EPS15: variants seen among roughly 807,000 people sequenced by gnomAD.
EPS15 encodes the protein epidermal growth factor receptor pathway substrate 15.
Under a neutral mutation model 113.8 loss-of-function variants are expected in EPS15, and 72 were observed. That is an observed-to-expected ratio of 0.63 (90% CI 0.52 to 0.77). The LOEUF (loss-of-function observed/expected upper bound fraction) is 0.77. EPS15 is among the 30% of genes least tolerant of loss of function. EPS15 has a pLI of 0.00. For synonymous variants in EPS15, 344 were observed against 363.4 expected (o/e 0.95, Z 0.61); for missense variants, 1,048 against 1,045.8 (o/e 1.00, Z -0.03).
chr1:51,489,713 T>A (rs1242219324), intron 1 of EPS15, among the ~76,000 whole-genome samples: 1 of 152,150 alleles, frequency 6.6e-6, no homozygotes, highest in East Asian at 1.9e-4. Flanking sequence ...CCGTGGGTGT[T>A]CCAAGGGTGG....
At position 51,485,737 on chromosome 1, in the gene EPS15, G is replaced by C. The variant is rs370866939; in HGVS notation, c.34-4423C>G. ...AACAAATTAAATGAGAGTTCAAATA[G>C]TACACGAGATTTCATTTTGAAATTT... is the stretch of plus-strand genomic sequence containing the variant. On this transcript the variant is annotated intron_variant, in intron 1 of 24. Coordinates refer to ENST00000371733, the MANE Select transcript of EPS15 (RefSeq NM_001981.3). Among the ~76,000 whole-genome samples, 42 of 152,274 alleles carry C rather than the reference G, an allele frequency of 2.8e-4. 1 individual carries two copies. In the South Asian group the frequency reaches 6.8e-3, roughly 25 times the overall value.
chr1:51,516,378 G>A (rs1481855018), intron 1 of EPS15, among the ~76,000 whole-genome samples: 1 of 152,136 alleles, frequency 6.6e-6, no homozygotes, highest in Non-Finnish European at 1.5e-5. Flanking sequence ...AGCACATACT[G>A]AATGCTCAGC....
intron 21 of EPS15, among the ~76,000 whole-genome samples, chr1:51,380,668 C>A (rs1296640749): frequency 6.6e-6 from 1 of 151,906 alleles, no homozygotes; most frequent in Non-Finnish European, 1.5e-5. Flanking sequence ...AAACAAACAG[C>A]AAAATGACAA....
chr1:51,420,676 G>C (rs1316878131), intron 13 of EPS15, among the ~76,000 whole-genome samples: 1 of 152,058 alleles, frequency 6.6e-6, no homozygotes, highest in Non-Finnish European at 1.5e-5. Context: ...TATTGATGAT[G>C]ATCTCTTAAC....
chr1:51,446,253 G>A (rs778566319), intron 10 of EPS15, among the ~76,000 whole-genome samples: 4 of 152,064 alleles, frequency 2.6e-5, no homozygotes, highest in African/African-American at 7.2e-5. Flanking sequence ...CCTTTTCAAG[G>A]ACCAAGTATG....
At chr1:51,397,427 G>C (rs1260195045) in intron 20 of EPS15, among the ~76,000 whole-genome samples, 2 of 152,176 alleles carry the variant, frequency 1.3e-5, no homozygotes, top group Non-Finnish European at 2.9e-5. Flanking sequence ...ATGGGGGACA[G>C]GACAAGAGGA....
chr1:51,488,493 A>AAAAC (rs1160969617), intron 1 of EPS15, among the ~76,000 whole-genome samples: 1 of 150,390 alleles, frequency 6.6e-6, no homozygotes, highest in African/African-American at 2.4e-5. Context: ...AAAAAAAAAA[A>AAAAC]AAACTCAGAC....
intron 13 of EPS15, among the ~76,000 whole-genome samples, chr1:51,419,138 C>A (rs550414341): frequency 3.5e-4 from 54 of 152,250 alleles, no homozygotes; most frequent in African/African-American, 1.2e-3. Context: ...GATAAAATGG[C>A]TTTTCACAAC....
In EPS15 at chr1:51,406,048, A is replaced by T; in HGVS notation, c.1534T>A (p.Cys512Ser). Residue 512 changes from cysteine (C) to serine (S), a missense_variant, in exon 16 of 25, where the codon TGC (cysteine) becomes AGC (serine). By Grantham distance (112) the Cys-to-Ser change is moderately radical. Coordinates refer to ENST00000371733, the MANE Select transcript of EPS15 (RefSeq NM_001981.3). Reference protein sequence around the residue: ...LENHNSQLNWCSSPHSILVNG... With the variant: ...LENHNSQLNWSSSPHSILVNG... ...ACAAGAATGCTGTGTGGGCTACTGCACCAATTTAACTGACTATTATGATTT... is the reference window on the plus strand; with the variant it reads ...ACAAGAATGCTGTGTGGGCTACTGCTCCAATTTAACTGACTATTATGATTT... 2 of 1,614,170 alleles carry T rather than the reference A, an allele frequency of 1.2e-6. No homozygotes were observed. Among genetic ancestry groups the T allele is most frequent in the Non-Finnish European group, 1.7e-6 (2 of 1,180,020 alleles).
chr1:51,505,294 G>T (rs1644479727), intron 1 of EPS15, among the ~76,000 whole-genome samples: 1 of 151,994 alleles, frequency 6.6e-6, no homozygotes. Context: ...ATCCACCAAT[G>T]AACAAATGGA....
At chr1:51,494,851 C>A (rs2148542565) in intron 1 of EPS15, among the ~76,000 whole-genome samples, 1 of 152,204 alleles carries the variant, frequency 6.6e-6, no homozygotes, top group East Asian at 1.9e-4. Flanking sequence ...CTTCATATAA[C>A]CTTAGCTAAT....
chr1:51,434,370 G>C (rs1651968671), intron 12 of EPS15, among the ~76,000 whole-genome samples: 1 of 152,156 alleles, frequency 6.6e-6, no homozygotes, highest in African/African-American at 2.4e-5. Context: ...GCCTGAAAAA[G>C]GAAGGAAATT....
At position 51,361,295 on chromosome 1, in the gene EPS15, T is replaced by C. The variant is rs1162546178; in HGVS notation, c.2420A>G (p.Gln807Arg). 1.2e-6 allele frequency: 2 copies of C among 1,613,952 alleles called. No homozygotes were observed. Among genetic ancestry groups the C allele is most frequent in the Non-Finnish European group, 1.7e-6 (2 of 1,179,838 alleles). Reference protein sequence around the residue: ...PDPFKLNDPFQPFPGNDSPKE... With the variant: ...PDPFKLNDPFRPFPGNDSPKE... The stretch of plus-strand genomic sequence containing the variant: ...GGGGCTATCGTTGCCTGGGAAAGGC[T>C]GAAATGGATCATTCAGTTTAAAGGG... The change falls in exon 24 of 25, where the codon CAG (glutamine) becomes CGG (arginine). Residue 807 changes from glutamine to arginine, a missense_variant. By Grantham distance (43) the Gln-to-Arg change is conservative. Transcript: ENST00000371733.
In EPS15 at chr1:51,465,292, G is replaced by T. The variant is rs1480583825; in HGVS notation, c.344C>A (p.Thr115Asn). The T allele has an allele frequency of 1.2e-6, 2 of 1,611,000 alleles. No homozygotes were observed. The highest frequency in any genetic ancestry group is 1.7e-5 in the Admixed American group (1 of 59,764). The change falls in exon 6 of 25, where the codon ACC becomes AAC. Residue 115 changes from threonine to asparagine, a missense_variant. Coordinates refer to ENST00000371733, the MANE Select transcript of EPS15 (RefSeq NM_001981.3). ...DTSSPLLISG[T>N]SAAELPWAVK... ...AGCCCATGGGAGCTCAGCTGCAGAG[G>T]TTCCACTGATTAGCAAAGGACTACT...
chr1:51,394,684 C>A (rs1350075854), intron 20 of EPS15, among the ~76,000 whole-genome samples: 3 of 152,098 alleles, frequency 2.0e-5, no homozygotes, highest in African/African-American at 7.2e-5. Context: ...TGAAACAGAT[C>A]TATGGTTTAA....
At chr1:51,398,790 C>T (rs944467981) in intron 20 of EPS15, among the ~76,000 whole-genome samples, 10 of 152,134 alleles carry the variant, frequency 6.6e-5, no homozygotes, top group African/African-American at 2.4e-4. Context: ...GATTTAGTCT[C>T]TTGAAAGATG....
At chr1:51,386,863 A>G (rs1170252363) in intron 21 of EPS15, among the ~76,000 whole-genome samples, 1 of 152,214 alleles carries the variant, frequency 6.6e-6, no homozygotes, top group African/African-American at 2.4e-5. Context: ...TGAAAGTGAC[A>G]GGGAGAATGG....
At chr1:51,430,849 C>T (rs1018713562) in intron 12 of EPS15, among the ~76,000 whole-genome samples, 3 of 151,714 alleles carry the variant, frequency 2.0e-5, no homozygotes, top group Non-Finnish European at 2.9e-5. Flanking sequence ...GTCCCAGCTA[C>T]TCAGGAGGCT....
At chr1:51,427,998 A>C (rs1045392996) in intron 12 of EPS15, among the ~76,000 whole-genome samples, 3 of 152,190 alleles carry the variant, frequency 2.0e-5, no homozygotes, top group African/African-American at 7.2e-5. Context: ...GCAACTTGTC[A>C]ATTTGTGACA....
Sources: allele counts gnomAD v4.1 joint callset (sites outside exome capture counted in the v4.1 genomes callset), GRCh38; gene constraint gnomAD v4.1.1; transcripts MANE v1.5; gene names NCBI Gene and HGNC (gene_info 2026-07-23, HGNC 2026-07-21).